The following PCDHA2 variants were observed in gnomAD, a reference collection of about 807,000 sequenced individuals.
PCDHA2 encodes protocadherin alpha 2, also known as protocadherin alpha-2.
In PCDHA2, 58 loss-of-function variants were observed where a neutral mutation model predicts 66.0. The observed-to-expected ratio is 0.88, with a 90% CI of 0.71 to 1.09. The LOEUF is 1.09. Ranked by LOEUF, PCDHA2 falls within the 50% of genes least tolerant of loss-of-function variation. The pLI is 0.00. For missense variants in PCDHA2, 1,267 were observed against 1,242.3 expected, an observed-to-expected ratio of 1.02 and a Z score of -0.30; for synonymous variants, 634 against 554.0, an observed-to-expected ratio of 1.14 and a Z score of -2.03.
intron 1 of PCDHA2, among the ~76,000 whole-genome samples, chr5:140,923,505 G>C (rs1281972725): frequency 6.6e-6 from 1 of 152,118 alleles, no homozygotes; most frequent in East Asian, 1.9e-4. Context: ...CTCCAGCCTG[G>C]ATGATGAAGT....
intron 3 of PCDHA2, among the ~76,000 whole-genome samples, chr5:140,996,886 T>C (rs1396322934): frequency 6.6e-6 from 1 of 152,218 alleles, no homozygotes; most frequent in Non-Finnish European, 1.5e-5. Context: ...TATTTTTAAA[T>C]AAAATAGAAT....
At chr5:140,848,333 C>T in intron 1 of PCDHA2, 2 of 843,612 alleles carry the variant, frequency 2.4e-6, no homozygotes, top group Non-Finnish European at 1.9e-6. Flanking sequence ...TCTCTGAATC[C>T]AGACAAATAC....
At chr5:140,841,343 G>T (rs1554138115) in intron 1 of PCDHA2, 1 of 1,612,324 alleles carries the variant, frequency 6.2e-7, no homozygotes, top group Non-Finnish European at 8.5e-7. Context: ...CTGGCGAGGA[G>T]AGCTGGGATC....
chr5:140,987,892 A>C (rs1383983251), intron 3 of PCDHA2, among the ~76,000 whole-genome samples: 1 of 152,094 alleles, frequency 6.6e-6, no homozygotes, highest in Non-Finnish European at 1.5e-5. Flanking sequence ...TATGTGCCCT[A>C]GTTTTATATG....
intron 2 of PCDHA2, 175 bp downstream of exon 2, chr5:140,979,182 A>C: frequency 2.6e-5 from 24 of 928,990 alleles, no homozygotes; most frequent in Non-Finnish European, 3.1e-5. Context: ...GCAAATGGTC[A>C]GTGCCAGATG....
At chr5:140,907,846 C>T (rs2073638181) in intron 1 of PCDHA2, among the ~76,000 whole-genome samples, 1 of 152,246 alleles carries the variant, frequency 6.6e-6, no homozygotes, top group Admixed American at 6.5e-5. Flanking sequence ...TTAAAATCCT[C>T]CTCTGCTGAG....
At chr5:140,868,961 A>G in intron 1 of PCDHA2, 1 of 1,418,552 alleles carries the variant, frequency 7.0e-7, no homozygotes, top group Non-Finnish European at 9.5e-7. Context: ...ACTCCCATAC[A>G]AAGGAACTCC....
At chr5:140,968,419 T>C (rs372766707) in intron 1 of PCDHA2, 37 of 1,613,898 alleles carry the variant, frequency 2.3e-5, no homozygotes, top group Non-Finnish European at 3.0e-5. Context: ...CTGTGGAGGC[T>C]CAGGACAAGG....
chr5:140,886,945 A>T (rs2061235497), intron 1 of PCDHA2, among the ~76,000 whole-genome samples: 1 of 152,148 alleles, frequency 6.6e-6, no homozygotes, highest in Admixed American at 6.5e-5. Flanking sequence ...TGTTCTACAC[A>T]TTAGACATTT....
chr5:140,942,429 A>C (rs543442477), intron 1 of PCDHA2, among the ~76,000 whole-genome samples: 1 of 152,226 alleles, frequency 6.6e-6, no homozygotes, highest in Admixed American at 6.5e-5. Context: ...AAAGATATCT[A>C]ACAATAAACA....
chr5:140,830,029 G>C (rs781984096), intron 1 of PCDHA2: 2 of 1,613,792 alleles, frequency 1.2e-6, no homozygotes, highest in Non-Finnish European at 1.7e-6. Flanking sequence ...CGCGCCACCG[G>C]CTGCTGGTGC....
At chr5:140,836,647 G>A (rs2150266694) in intron 1 of PCDHA2, 3 of 1,613,346 alleles carry the variant, frequency 1.9e-6, no homozygotes, top group South Asian at 2.2e-5. Context: ...CAGCAGAGGC[G>A]GCAGAGGGTG....
chr5:140,862,787 A>G, intron 1 of PCDHA2: 1 of 578,112 alleles, frequency 1.7e-6, no homozygotes. Context: ...CCACTGGACT[A>G]CGAGGAGCTG....
At chr5:140,982,414 G>A in intron 2 of PCDHA2, 61 bp from the exon 3 acceptor site, 1 of 1,609,882 alleles carries the variant, frequency 6.2e-7, no homozygotes, top group Non-Finnish European at 8.5e-7. Flanking sequence ...TCTGAGGGTG[G>A]AAGAAGAGAT....
At chr5:140,976,894 CAGT>C (rs1199753516) in intron 1 of PCDHA2, among the ~76,000 whole-genome samples, 1 of 152,132 alleles carries the variant, frequency 6.6e-6, no homozygotes, top group African/African-American at 2.4e-5. Context: ...ATACATGCAA[CAGT>C]ATGTAATAAA....
At chr5:140,884,581 C>A in intron 1 of PCDHA2, 1 of 1,614,184 alleles carries the variant, frequency 6.2e-7, no homozygotes, top group African/African-American at 1.3e-5. Context: ...ACCTCATGGC[C>A]TTCAGTCCCA....
chr5:140,878,351 A>C (rs2057557275), intron 1 of PCDHA2, among the ~76,000 whole-genome samples: 1 of 152,248 alleles, frequency 6.6e-6, no homozygotes, highest in South Asian at 2.1e-4. Flanking sequence ...ACAATAATAT[A>C]AATGATATGT....
intron 1 of PCDHA2, among the ~76,000 whole-genome samples, chr5:140,901,940 T>A (rs1444811552): frequency 6.6e-6 from 1 of 152,172 alleles, no homozygotes; most frequent in Non-Finnish European, 1.5e-5. Context: ...CCTAGGTATA[T>A]TTAGTTTTAT....
chr5:140,927,247 G>A (rs782521189), intron 1 of PCDHA2: 7 of 1,613,978 alleles, frequency 4.3e-6, no homozygotes, highest in Middle Eastern at 3.3e-4. Flanking sequence ...GGACACCAAT[G>A]ACAACTCACC....
Sources: gnomAD v4.1 joint callset for allele counts (sites outside exome capture counted in the v4.1 genomes callset) on GRCh38, gnomAD v4.1.1 for gene constraint, MANE v1.5 for transcripts, NCBI Gene and HGNC (gene_info 2026-07-23, HGNC 2026-07-21) for gene names.